The following HMCN1 variants were observed in gnomAD, a reference collection of about 807,000 sequenced individuals.
HMCN1 encodes the protein hemicentin-1.
HMCN1 carries 321 observed loss-of-function variants against 625.9 expected under a neutral mutation model. That is an observed-to-expected ratio of 0.51 (90% confidence interval 0.47 to 0.56). The LOEUF is 0.56. HMCN1 is among the 20% of genes least tolerant of loss of function. The probability of loss-of-function intolerance (pLI) is 0.00; values close to 1 mark genes in which losing one functional copy is unlikely to be tolerated. For missense variants in HMCN1, 6,588 were observed against 6,887.3 expected, an observed-to-expected ratio of 0.96 and a Z score of 1.54; for synonymous variants, 2,425 against 2,417.6, an observed-to-expected ratio of 1.00 and a Z score of -0.09.
rs138982761 is a variant in HMCN1, at chr1:186,087,240, C to T, written c.9070C>T (p.Arg3024Trp). The T allele has an allele frequency of 1.7e-5, 27 of 1,612,418 alleles. No homozygotes were observed. Among genetic ancestry groups the T allele is most frequent in the South Asian group, 2.2e-5 (2 of 91,052 alleles). The change falls in exon 59 of 107, where the codon CGG becomes TGG. Residue 3024 changes from arginine (R) to tryptophan (W), a missense_variant. By Grantham distance (101) the Arg-to-Trp change is moderately radical. Coordinates refer to ENST00000271588, the MANE Select transcript of HMCN1 (RefSeq NM_031935.3). Reference protein sequence around the residue: ...VPGGRTLQIIRAKVSDGGEYT... With the variant: ...VPGGRTLQIIWAKVSDGGEYT... ...AGGTGGTCGAACTCTACAGATTATT[C>T]GGGCCAAGGTATCAGATGGTGGTGA... is the stretch of plus-strand genomic sequence containing the variant.
At position 186,000,166 on chromosome 1, in the gene HMCN1, C is replaced by A; in HGVS notation, c.3996C>A (p.Asp1332Glu). ...TTATTGCTTCTGTTACACCCTATGA[C>A]AATGGGGAGTACATCTGTGTGGCAG... is the stretch of plus-strand genomic sequence containing the variant. ...LLVIASVTPY[D>E]NGEYICVAVN... Residue 1332 changes from aspartate (D) to glutamate (E), a missense_variant, in exon 26 of 107, where the codon GAC (aspartate) becomes GAA (glutamate). Asp to Glu is a conservative substitution (Grantham distance 45). Transcript: ENST00000271588. The A allele has an allele frequency of 1.9e-6, 3 of 1,612,644 alleles. No individual in the cohort carries two copies. The highest frequency in any genetic ancestry group is 2.5e-6 in the Non-Finnish European group (3 of 1,178,926).
At chr1:185,990,547 T>G in intron 22 of HMCN1, 104 bp downstream of exon 22, 1 of 925,312 alleles carries the variant, frequency 1.1e-6, no homozygotes, top group Non-Finnish European at 1.8e-6. Flanking sequence ...AAATCACCTT[T>G]AAAATTGAGA....
At chr1:185,993,559 T>C (rs11803598) in intron 23 of HMCN1, 7,910 of 420,302 alleles carry the variant, frequency 0.019, 528 homozygotes, top group African/African-American at 0.14. Flanking sequence ...ATTTTTCTAC[T>C]GGTCAACAGT....
chr1:185,749,520 C>T (rs773928633), intron 1 of HMCN1, among the ~76,000 whole-genome samples: 2 of 152,172 alleles, frequency 1.3e-5, no homozygotes, highest in Non-Finnish European at 2.9e-5. Context: ...CATGTGTCTT[C>T]TCCAGCGTTC....
At chr1:186,184,313 A>AG (rs1490253328) in intron 105 of HMCN1, among the ~76,000 whole-genome samples, 1 of 152,240 alleles carries the variant, frequency 6.6e-6, no homozygotes, top group Non-Finnish European at 1.5e-5. Flanking sequence ...GGCATTTATA[A>AG]GGAACCAAAG....
intron 10 of HMCN1, among the ~76,000 whole-genome samples, chr1:185,933,004 T>C (rs565024190): frequency 4.3e-4 from 66 of 152,222 alleles, no homozygotes; most frequent in African/African-American, 1.5e-3. Context: ...TTATTAATGG[T>C]CTGTTCCTAC....
At chr1:186,000,728 A>G (rs1425931307) in intron 26 of HMCN1, among the ~76,000 whole-genome samples, 11 of 152,052 alleles carry the variant, frequency 7.2e-5, no homozygotes, top group Admixed American at 3.9e-4. Context: ...TCACTAAACA[A>G]TCTATCTTGG....
At chr1:185,952,380 T>C (rs1473120497) in intron 11 of HMCN1, among the ~76,000 whole-genome samples, 1 of 151,270 alleles carries the variant, frequency 6.6e-6, no homozygotes, top group East Asian at 1.9e-4. Context: ...AGAGGTCAGA[T>C]GGGTCTGTAG....
chr1:186,146,028 A>T, intron 93 of HMCN1, 105 bp downstream of exon 93: 1 of 1,108,888 alleles, frequency 9.0e-7, no homozygotes, highest in Non-Finnish European at 1.3e-6. Flanking sequence ...AGGTGGAATT[A>T]GAAAAAAAAA....
rs1659567014 is a variant in HMCN1, at chr1:186,087,436, C to T, written c.9161-7C>T. 5 of 1,612,530 alleles carry T rather than the reference C, an allele frequency of 3.1e-6. No homozygotes were observed. Among genetic ancestry groups the T allele is most frequent in the Middle Eastern group, 1.7e-4 (1 of 6,052 alleles). ...AAGAAAATCCTTCTGTTATTTTCTTCCCTCAGTGCCCCCAAGCATTAAAGA... is the reference window on the plus strand; with the variant it reads ...AAGAAAATCCTTCTGTTATTTTCTTTCCTCAGTGCCCCCAAGCATTAAAGA... On this transcript the variant is annotated splice_region_variant and splice_polypyrimidine_tract_variant and intron_variant, in intron 59 of 106. Transcript: ENST00000271588.
chr1:186,060,381 A>G (rs1224168894), intron 46 of HMCN1, among the ~76,000 whole-genome samples: 2 of 152,038 alleles, frequency 1.3e-5, no homozygotes, highest in Non-Finnish European at 2.9e-5. Flanking sequence ...TAAATGACCT[A>G]CTTTTTTGTT....
intron 1 of HMCN1, among the ~76,000 whole-genome samples, chr1:185,783,020 T>A (rs1657258886): frequency 6.6e-6 from 1 of 152,230 alleles, no homozygotes; most frequent in African/African-American, 2.4e-5. Flanking sequence ...TATAGTCCCA[T>A]ATTTCCTGGA....
chr1:185,956,666 A>G (rs1195091211), intron 11 of HMCN1, among the ~76,000 whole-genome samples: 1 of 152,010 alleles, frequency 6.6e-6, no homozygotes, highest in Non-Finnish European at 1.5e-5. Flanking sequence ...TTCTGTAGAC[A>G]TGATTGATTA....
chr1:185,827,416 T>C (rs1660592648), intron 1 of HMCN1, among the ~76,000 whole-genome samples: 1 of 151,970 alleles, frequency 6.6e-6, no homozygotes, highest in African/African-American at 2.4e-5. Context: ...GAAGAGATGG[T>C]AGGTGAACAG....
At chr1:185,759,107 A>T (rs1218439590) in intron 1 of HMCN1, among the ~76,000 whole-genome samples, 3 of 152,242 alleles carry the variant, frequency 2.0e-5, no homozygotes, top group Non-Finnish European at 4.4e-5. Context: ...AAATATAGAC[A>T]TATAAACATA....
At chr1:186,048,909 ATCCATGTAACT>A in intron 42 of HMCN1, 70 bp downstream of exon 42, 2 of 915,118 alleles carry the variant, frequency 2.2e-6, no homozygotes, top group Non-Finnish European at 3.6e-6. Flanking sequence ...AATGACATTC[ATCCATGTAACT>A]AAAACTGATT....
At chr1:185,929,483 G>C (rs1406234291) in intron 10 of HMCN1, among the ~76,000 whole-genome samples, 1 of 152,080 alleles carries the variant, frequency 6.6e-6, no homozygotes, top group East Asian at 1.9e-4. Flanking sequence ...TCTATAATTG[G>C]AAATTTTGTT....
intron 1 of HMCN1, among the ~76,000 whole-genome samples, chr1:185,755,711 G>A (rs959690): frequency 0.038 from 5,716 of 152,170 alleles, 315 homozygotes; most frequent in African/African-American, 0.13. Flanking sequence ...ACAGACCAGG[G>A]CAGCCATACC....
At chr1:186,087,014 A>G (rs979414441) in intron 58 of HMCN1, among the ~76,000 whole-genome samples, 1 of 152,118 alleles carries the variant, frequency 6.6e-6, no homozygotes, top group African/African-American at 2.4e-5. Context: ...AATTCTATGA[A>G]TCTCTTCCTT....
Sources: gnomAD v4.1 joint callset for allele counts (sites outside exome capture counted in the v4.1 genomes callset) on GRCh38, gnomAD v4.1.1 for gene constraint, MANE v1.5 for transcripts, NCBI Gene and HGNC (gene_info 2026-07-23, HGNC 2026-07-21) for gene names.